The following GABRA3 variants were observed in gnomAD, a reference collection of about 807,000 sequenced individuals.
GABRA3 encodes gamma-aminobutyric acid receptor subunit alpha-3.
A neutral mutation model predicts 30.1 loss-of-function variants in GABRA3; 10 were observed. The ratio of observed to expected loss-of-function variants is 0.33; its 90% CI spans 0.20 to 0.56. The LOEUF (loss-of-function observed/expected upper bound fraction) is 0.56, where lower values mean the gene tolerates loss of function less well. GABRA3 is among the 20% of genes least tolerant of loss of function. The pLI, the probability that GABRA3 is intolerant of heterozygous loss-of-function variation, is 0.89. For synonymous variants in GABRA3, 151 were observed against 146.8 expected, an observed-to-expected ratio of 1.03 and a Z score of -0.21; for missense variants, 233 against 392.0, an observed-to-expected ratio of 0.59 and a Z score of 3.42.
intron 5 of GABRA3, among the ~76,000 whole-genome samples, chrX:152,242,836 T>C (rs1938404677): frequency 8.9e-6 from 1 of 112,187 alleles, no homozygotes; most frequent in East Asian, 2.8e-4. Context: ...AGAAATACCA[T>C]ATAACCCAGC....
chrX:152,427,450 T>A (rs1237141367), intron 1 of GABRA3, among the ~76,000 whole-genome samples: 1 of 111,903 alleles, frequency 8.9e-6, no homozygotes, highest in East Asian at 2.8e-4. Context: ...TCTCTCCCTA[T>A]CACTACTGAA....
intron 1 of GABRA3, among the ~76,000 whole-genome samples, chrX:152,441,399 G>C (rs112874859): frequency 9.0e-6 from 1 of 111,608 alleles, no homozygotes; most frequent in Non-Finnish European, 1.9e-5. Flanking sequence ...TCTGTCAAAA[G>C]GATGTCAATT....
intron 6 of GABRA3, among the ~76,000 whole-genome samples, chrX:152,220,140 A>C (rs912619239): frequency 2.7e-5 from 3 of 111,765 alleles, no homozygotes; most frequent in Non-Finnish European, 5.7e-5. Flanking sequence ...AAAGTGTTTT[A>C]AGAATAACAT....
intron 9 of GABRA3, among the ~76,000 whole-genome samples, chrX:152,172,709 C>A (rs147074710): frequency 5.7e-4 from 64 of 111,747 alleles, no homozygotes; most frequent in African/African-American, 2.0e-3. Context: ...AAAAGGATAA[C>A]TGTTATGTGA....
At chrX:152,275,309 T>TATATATA (rs1162607251) in intron 4 of GABRA3, among the ~76,000 whole-genome samples, 3 of 34,192 alleles carry the variant, frequency 8.8e-5, no homozygotes, top group Non-Finnish European at 1.5e-4. Flanking sequence ...TATATATAAA[T>TATATATA]ATATATAATA....
At chrX:152,196,799 G>A (rs889049226) in intron 8 of GABRA3, among the ~76,000 whole-genome samples, 3 of 111,940 alleles carry the variant, frequency 2.7e-5, no homozygotes, top group Non-Finnish European at 5.6e-5. Flanking sequence ...CTACTTTACA[G>A]GTCACTATTT....
chrX:152,202,253 T>C (rs185099166), intron 7 of GABRA3, among the ~76,000 whole-genome samples: 199 of 112,086 alleles, frequency 1.8e-3, no homozygotes, highest in Non-Finnish European at 2.5e-3. Context: ...TCCATTCATA[T>C]TCTAGACCCT....
chrX:152,376,024 T>C (rs939462915), intron 1 of GABRA3, among the ~76,000 whole-genome samples: 1 of 112,204 alleles, frequency 8.9e-6, no homozygotes, highest in African/African-American at 3.2e-5. Flanking sequence ...TGCATTTCTT[T>C]GTCTGAGGAT....
chrX:152,419,044 A>G (rs1003281458), intron 1 of GABRA3, among the ~76,000 whole-genome samples: 2 of 111,170 alleles, frequency 1.8e-5, no homozygotes, highest in African/African-American at 6.5e-5. Context: ...CGCAAGGACA[A>G]AAAACCAAAC....
At chrX:152,325,326 A>C (rs146882673) in intron 3 of GABRA3, among the ~76,000 whole-genome samples, 380 of 111,794 alleles carry the variant, frequency 3.4e-3, no homozygotes, top group Non-Finnish European at 5.4e-3. Flanking sequence ...CTGCATTTCT[A>C]ACTGAGCTTT....
intron 3 of GABRA3, among the ~76,000 whole-genome samples, chrX:152,286,649 T>C (rs781251302): frequency 2.7e-5 from 3 of 111,723 alleles, no homozygotes; most frequent in Non-Finnish European, 5.6e-5. Context: ...CTCTCGTTGA[T>C]TTCTCACTTT....
intron 5 of GABRA3, among the ~76,000 whole-genome samples, chrX:152,226,290 T>C (rs1007681351): frequency 1.2e-4 from 13 of 111,936 alleles, no homozygotes; most frequent in African/African-American, 4.2e-4. Flanking sequence ...CAGACATCCA[T>C]GTGTCTATGA....
intron 1 of GABRA3, among the ~76,000 whole-genome samples, chrX:152,450,905 G>A (rs768900470): frequency 8.9e-6 from 1 of 112,642 alleles, no homozygotes; most frequent in Non-Finnish European, 1.9e-5. Flanking sequence ...AGCAAATCAC[G>A]CATATACCAC....
At chrX:152,363,229 A>C (rs1471700784) in intron 2 of GABRA3, among the ~76,000 whole-genome samples, 1 of 112,195 alleles carries the variant, frequency 8.9e-6, no homozygotes, top group African/African-American at 3.2e-5. Flanking sequence ...TATATCACAA[A>C]GGTCTTTGAT....
intron 8 of GABRA3, 41 bp from the exon 9 acceptor site, chrX:152,189,982 C>G: frequency 1.0e-6 from 1 of 955,782 alleles, no homozygotes. Flanking sequence ...AACTGGAAGA[C>G]ATTGAGAGCT....
intron 4 of GABRA3, among the ~76,000 whole-genome samples, chrX:152,280,025 G>C (rs1321795939): frequency 9.0e-6 from 1 of 111,253 alleles, no homozygotes; most frequent in Non-Finnish European, 1.9e-5. Flanking sequence ...AGATGATGGG[G>C]TTTTCTAGAT....
chrX:152,236,600 C>A lies in GABRA3; in HGVS notation c.552-11755G>T, dbSNP rs1406944738. On this transcript the variant is annotated intron_variant, in intron 5 of 9. Transcript: ENST00000370314. The stretch of plus-strand genomic sequence containing the variant: ...CTTCCACAATGGTTGAACTAGTTTA[C>A]AGTCCCACCAACAGTGTAAAAGTGT... 2.8e-5 allele frequency among the ~76,000 whole-genome samples: 3 copies of A among 105,370 alleles called. No homozygotes were observed. In the Admixed American group the frequency reaches 3.1e-4, roughly 11 times the overall value. 91.5% of individuals were successfully genotyped at this position (105,370 alleles called of 115,157 possible). A position where few individuals can be genotyped will look rare whatever the true frequency, so the allele number is the denominator to read the frequency against.
Position 152,214,928 on chromosome X carries a change from G to A in GABRA3, c.635-6784C>T, listed in dbSNP as rs995424085. Among the ~76,000 whole-genome samples the A allele has an allele frequency of 9.3e-5, 10 of 108,083 alleles. 1 individual carries two copies. The highest frequency in any genetic ancestry group is 4.0e-4 in the Admixed American group (4 of 10,060). The allele number at this position is 108,083 out of a possible 115,157, so 93.9% of individuals were successfully genotyped here. A position where few individuals can be genotyped will look rare whatever the true frequency, so the allele number is the denominator to read the frequency against. On this transcript the variant is annotated intron_variant, in intron 6 of 9. Transcript: ENST00000370314. ...GTATGTGGATTTTGTATCCTTCCAC[G>A]TTGCTTATTTTCTTAATTCTAACAA... is the stretch of plus-strand genomic sequence containing the variant.
chrX:152,385,978 C>T (rs1929296091), intron 1 of GABRA3, among the ~76,000 whole-genome samples: 1 of 110,395 alleles, frequency 9.1e-6, no homozygotes. Flanking sequence ...CAGTACCATG[C>T]TGTTTTGGTT....
Sources: gnomAD v4.1 joint callset for allele counts (sites outside exome capture counted in the v4.1 genomes callset) on GRCh38, gnomAD v4.1.1 for gene constraint, MANE v1.5 for transcripts, NCBI Gene and HGNC (gene_info 2026-07-23, HGNC 2026-07-21) for gene names.